NAV3: variants seen among roughly 807,000 people sequenced by gnomAD.
NAV3 encodes the protein neuron navigator 3, also known as pore membrane and/or filament interacting like protein 1.
A neutral mutation model predicts 244.7 loss-of-function variants in NAV3; 87 were observed. The ratio of observed to expected loss-of-function variants is 0.36; its 90% confidence interval spans 0.30 to 0.42. NAV3 has a LOEUF of 0.42. Among genes scored for constraint, NAV3 ranks in the 20% least tolerant of loss-of-function variants. The pLI is 1.00. For missense variants in NAV3, 2,663 were observed against 2,893.3 expected, an observed-to-expected ratio of 0.92 and a Z score of 1.83; for synonymous variants, 1,126 against 1,042.2, an observed-to-expected ratio of 1.08 and a Z score of -1.55.
chr12:77,889,238 A>G (rs2136717087), intron 1 of NAV3, among the ~76,000 whole-genome samples: 1 of 152,324 alleles, frequency 6.6e-6, no homozygotes, highest in African/African-American at 2.4e-5. Context: ...AGATCCAAGT[A>G]AAACAAAAAT....
At chr12:77,845,931 G>A (rs1458198859) in intron 1 of NAV3, among the ~76,000 whole-genome samples, 2 of 152,114 alleles carry the variant, frequency 1.3e-5, no homozygotes, top group African/African-American at 2.4e-5. Flanking sequence ...GGGATTACAG[G>A]CTTGAGCCAC....
intron 1 of NAV3, among the ~76,000 whole-genome samples, chr12:77,870,402 A>G (rs1035045368): frequency 2.6e-5 from 4 of 151,786 alleles, no homozygotes; most frequent in Admixed American, 1.3e-4. Flanking sequence ...AATAATTGCT[A>G]CATCTCTAAA....
At chr12:77,879,520 T>C (rs1177198766) in intron 1 of NAV3, among the ~76,000 whole-genome samples, 2 of 151,262 alleles carry the variant, frequency 1.3e-5, no homozygotes, top group Non-Finnish European at 3.0e-5. Context: ...ACTAAAAATA[T>C]AAAAATTAGC....
At chr12:77,724,510 T>A (rs1382263799) in intron 2 of NAV3, among the ~76,000 whole-genome samples, 1 of 151,952 alleles carries the variant, frequency 6.6e-6, no homozygotes, top group Non-Finnish European at 1.5e-5. Context: ...ATATTTGCGA[T>A]ATCCTTCCTT....
At chr12:77,904,342 T>C (rs559187036) in intron 1 of NAV3, among the ~76,000 whole-genome samples, 7 of 152,200 alleles carry the variant, frequency 4.6e-5, no homozygotes, top group African/African-American at 1.7e-4. Flanking sequence ...ATGTCCTTTG[T>C]AGGGACATGG....
At chr12:77,986,520 C>T (rs945164002) in intron 5 of NAV3, among the ~76,000 whole-genome samples, 1 of 152,012 alleles carries the variant, frequency 6.6e-6, no homozygotes, top group Non-Finnish European at 1.5e-5. Context: ...AAAGTCGATA[C>T]ATTATATGAG....
At chr12:77,737,694 G>A (rs900723272) in intron 2 of NAV3, among the ~76,000 whole-genome samples, 3 of 152,086 alleles carry the variant, frequency 2.0e-5, no homozygotes, top group African/African-American at 7.2e-5. Context: ...CAGATTAAAG[G>A]ACAAATTTTG....
At chr12:77,931,615 C>T (rs1384774303) in intron 1 of NAV3, among the ~76,000 whole-genome samples, 1 of 151,974 alleles carries the variant, frequency 6.6e-6, no homozygotes, top group African/African-American at 2.4e-5. Context: ...TCCTGTAATC[C>T]CAGCACTTTG....
chr12:77,986,091 G>C (rs1158634530), intron 5 of NAV3, among the ~76,000 whole-genome samples: 1 of 152,214 alleles, frequency 6.6e-6, no homozygotes, highest in Non-Finnish European at 1.5e-5. Context: ...GCTGGGCGCG[G>C]TGGCTCATGC....
At chr12:77,759,160 T>C (rs2135830175) in intron 2 of NAV3, among the ~76,000 whole-genome samples, 1 of 152,346 alleles carries the variant, frequency 6.6e-6, no homozygotes, top group South Asian at 2.1e-4. Flanking sequence ...TGATTTTTTC[T>C]ATGTTTAATA....
chr12:77,828,194 T>C (rs4761402), upstream of NAV3, among the ~76,000 whole-genome samples: 40,566 of 152,070 alleles, frequency 0.27, 6,504 homozygotes, highest in South Asian at 0.38. Context: ...CATGAGAGTA[T>C]AATCCGTTAT....
chr12:78,080,090 G>T (rs1177285026), intron 12 of NAV3, among the ~76,000 whole-genome samples: 3 of 152,052 alleles, frequency 2.0e-5, no homozygotes, highest in Non-Finnish European at 4.4e-5. Flanking sequence ...TTAAATTATA[G>T]CCATCTAGAC....
intron 12 of NAV3, among the ~76,000 whole-genome samples, chr12:78,083,074 T>C (rs1953442777): frequency 1.3e-5 from 2 of 152,252 alleles, no homozygotes; most frequent in African/African-American, 4.8e-5. Flanking sequence ...CTTAGAGTTA[T>C]GAAGGCTGAG....
At chr12:77,720,661 G>A (rs1366604395) in intron 2 of NAV3, among the ~76,000 whole-genome samples, 2 of 152,124 alleles carry the variant, frequency 1.3e-5, no homozygotes, top group Admixed American at 1.3e-4. Context: ...CCCTCTCTAG[G>A]AAGAAGCTGA....
At chr12:77,572,564 C>T (rs1445928802) in intron 2 of NAV3, among the ~76,000 whole-genome samples, 2 of 152,056 alleles carry the variant, frequency 1.3e-5, no homozygotes, top group Non-Finnish European at 2.9e-5. Flanking sequence ...TCTCTGAGAC[C>T]CAGGGTGAGG....
intron 3 of NAV3, among the ~76,000 whole-genome samples, chr12:77,943,976 A>C (rs755119620): frequency 1.6e-4 from 25 of 152,340 alleles, no homozygotes; most frequent in South Asian, 1.0e-3. Flanking sequence ...CAGGTAATTC[A>C]CATGTAATCA....
chr12:77,928,932 G>T (rs1172371391), intron 1 of NAV3, among the ~76,000 whole-genome samples: 1 of 152,160 alleles, frequency 6.6e-6, no homozygotes, highest in African/African-American at 2.4e-5. Context: ...AGTGTCACTG[G>T]GATGGGTAGG....
chr12:77,939,212 T>A (rs1378523763), intron 1 of NAV3, among the ~76,000 whole-genome samples: 1 of 152,196 alleles, frequency 6.6e-6, no homozygotes, highest in Non-Finnish European at 1.5e-5. Context: ...CAGCCTAATT[T>A]TCCCTAATTT....
chr12:77,994,937 G>A, intron 6 of NAV3, 66 bp downstream of exon 6: 1 of 1,198,808 alleles, frequency 8.3e-7, no homozygotes, highest in Non-Finnish European at 1.2e-6. Context: ...GTGATATTTT[G>A]TCCTATCTTT....
Sources: gnomAD v4.1 joint callset for allele counts (sites outside exome capture counted in the v4.1 genomes callset) on GRCh38, gnomAD v4.1.1 for gene constraint, MANE v1.5 for transcripts, NCBI Gene and HGNC (gene_info 2026-07-23, HGNC 2026-07-21) for gene names.